NEK9: variants seen among roughly 807,000 people sequenced by gnomAD.
NEK9 encodes serine/threonine-protein kinase Nek9.
NEK9 carries 75 observed loss-of-function variants against 123.4 expected under a neutral mutation model. That is an observed-to-expected ratio of 0.61 (90% CI 0.50 to 0.74). The LOEUF is 0.74. Among genes scored for constraint, NEK9 ranks in the 30% least tolerant of loss-of-function variants. The probability of loss-of-function intolerance (pLI) is 0.00; values close to 1 mark genes in which losing one functional copy is unlikely to be tolerated. For synonymous variants in NEK9, 438 were observed against 458.7 expected (o/e 0.95, Z 0.58); for missense variants, 952 against 1,214.4 (o/e 0.78, Z 3.21).
At chr14:75,126,591 C>A in intron 1 of NEK9, 112 bp downstream of exon 1, 1 of 716,014 alleles carries the variant, frequency 1.4e-6, no homozygotes, top group Non-Finnish European at 2.1e-6. Flanking sequence ...ACATATACCC[C>A]GTGGGCGCCT....
intron 8 of NEK9, among the ~76,000 whole-genome samples, chr14:75,112,502 A>G (rs1894989035): frequency 6.6e-6 from 1 of 152,162 alleles, no homozygotes; most frequent in African/African-American, 2.4e-5. Context: ...TCCAACTCCA[A>G]CCTACCACCT....
chr14:75,088,743 A>G (rs1047178930), intron 19 of NEK9, 102 bp from the exon 20 acceptor site: 4 of 1,064,918 alleles, frequency 3.8e-6, no homozygotes, highest in Non-Finnish European at 5.5e-6. Flanking sequence ...TGACTTCAGC[A>G]CCCTCTAGTG....
chr14:75,101,792 A>T, intron 14 of NEK9, 27 bp from the exon 15 acceptor site: 7 of 1,504,612 alleles, frequency 4.7e-6, no homozygotes, highest in Non-Finnish European at 5.5e-6. Flanking sequence ...CACAAAGCAG[A>T]TGCATGAGGT....
intron 1 of NEK9, among the ~76,000 whole-genome samples, chr14:75,125,473 AG>A (rs1385866222): frequency 5.2e-5 from 8 of 152,384 alleles, no homozygotes; most frequent in African/African-American, 1.9e-4. Context: ...CAAGTTCAAC[AG>A]GATAATAATA....
chr14:75,114,248 C>G lies in NEK9; in HGVS notation c.828G>C (p.Gln276His), dbSNP rs751357379. ...CCATTTGGATCAATTCCAAAGAGTA[C>G]TGGCTAGAGTCAACTTCCATGGCCC... Reference protein sequence around the residue: ...GIRAMEVDSSQYSLELIQMVH... With the variant: ...GIRAMEVDSSHYSLELIQMVH... Residue 276 changes from glutamine to histidine, a missense_variant, in exon 7 of 22, where the codon CAG becomes CAC. Around this residue, in one of 4 missense-constraint regions of NEK9, gnomAD observed 698 missense variants for 875.6 expected, o/e 0.80. Transcript: ENST00000238616. The G allele has an allele frequency of 5.4e-5, 87 of 1,613,958 alleles. No homozygotes were observed. Among genetic ancestry groups the G allele is most frequent in the Non-Finnish European group, 6.8e-5 (80 of 1,179,980 alleles).
chr14:75,090,624 C>T (rs1894185673), intron 19 of NEK9, among the ~76,000 whole-genome samples: 1 of 150,786 alleles, frequency 6.6e-6, no homozygotes, highest in Non-Finnish European at 1.5e-5. Flanking sequence ...TGCAGTGGTA[C>T]AATCATGGCA....
rs1894675840 is a variant in NEK9, at chr14:75,103,923, T to A, written c.1650A>T (p.Ser550=). The part of the protein sequence containing the change: ...GCDGTFLLTQ[S]GKVLACGLNE... ...TGAGTCCACAGGCCAGCACTTTGCC[T>A]GACTGGGTCAACAGAAATGTCCCAT... Residue 550 remains serine (S), a synonymous_variant, in exon 14 of 22, where the codon TCA becomes TCT. Transcript: ENST00000238616. The A allele has an allele frequency of 1.2e-6, 2 of 1,614,080 alleles. No homozygotes were observed. Among genetic ancestry groups the A allele is most frequent in the South Asian group, 2.2e-5 (2 of 91,088 alleles).
At chr14:75,107,512 C>CT (rs752058522) in intron 10 of NEK9, 25 bp from the exon 11 acceptor site, 2,793 of 1,404,392 alleles carry the variant, frequency 2.0e-3, no homozygotes, top group Non-Finnish European at 2.1e-3. Flanking sequence ...GGTCTTATGA[C>CT]TTTTTTTTTT....
chr14:75,104,198 T>G (rs1894692161), intron 13 of NEK9, among the ~76,000 whole-genome samples: 1 of 150,770 alleles, frequency 6.6e-6, no homozygotes, highest in African/African-American at 2.4e-5. Flanking sequence ...AGAGTTTCCC[T>G]CTTTTGCCCA....
chr14:75,115,384 T>G (rs1895107725), intron 6 of NEK9, among the ~76,000 whole-genome samples: 2 of 152,180 alleles, frequency 1.3e-5, no homozygotes, highest in Admixed American at 6.5e-5. Context: ...CCCAAAGTGC[T>G]GGGATCACAG....
intron 7 of NEK9, 65 bp downstream of exon 7, chr14:75,114,138 T>C: frequency 8.6e-7 from 1 of 1,164,110 alleles, no homozygotes; most frequent in Non-Finnish European, 1.3e-6. Context: ...AGCTATGCCA[T>C]ACACCAAACA....
At chr14:75,121,240 GT>G (rs576036205) in intron 2 of NEK9, 66 bp from the exon 3 acceptor site, 12 of 1,207,156 alleles carry the variant, frequency 9.9e-6, no homozygotes, top group South Asian at 2.6e-5. Flanking sequence ...CCTGTAACAG[GT>G]TTTTTTAGGT....
chr14:75,109,048 T>C (rs1383918410), intron 10 of NEK9, among the ~76,000 whole-genome samples: 1 of 152,148 alleles, frequency 6.6e-6, no homozygotes, highest in Non-Finnish European at 1.5e-5. Flanking sequence ...CTAAAAAGCA[T>C]CTGTTTTATT....
intron 16 of NEK9, among the ~76,000 whole-genome samples, 182 bp downstream of exon 16, chr14:75,100,810 A>G (rs1040019799): frequency 6.6e-6 from 1 of 152,252 alleles, no homozygotes; most frequent in Non-Finnish European, 1.5e-5. Flanking sequence ...AAAAACAATC[A>G]CTATGTTGAA....
rs958763361 is a variant in NEK9 at position 75,123,410 on chromosome 14, AAAT to A, written c.397+633_397+635del. Among the ~76,000 whole-genome samples, 11 of 145,416 alleles carry A rather than the reference AAAT, an allele frequency of 7.6e-5. No individual in the cohort carries two copies. In the South Asian group the frequency reaches 1.1e-3, roughly 15 times the overall value. ...CAAGAGTAAAACTCCATCTCAAAAA[AAAT>A]AATAATAATAATAAAAATAAAATGA... On this transcript the variant is annotated intron_variant, in intron 2 of 21. Transcript: ENST00000238616.
At chr14:75,097,320 A>G (rs1183990215) in intron 16 of NEK9, 50 bp from the exon 17 acceptor site, 2 of 1,456,636 alleles carry the variant, frequency 1.4e-6, no homozygotes, top group Non-Finnish European at 1.8e-6. Context: ...CTGGCTTCCC[A>G]ATTCTCCGGG....
chr14:75,097,257 A>G lies in NEK9; in HGVS notation c.2016T>C (p.Phe672=), dbSNP rs1487442506. 6.3e-7 allele frequency: 1 copy of G among 1,598,342 alleles called. No individual in the cohort carries two copies. The highest frequency in any genetic ancestry group is 8.5e-7 in the Non-Finnish European group (1 of 1,172,708). The change falls in exon 17 of 22, where the codon TTT becomes TTC. Residue 672 remains phenylalanine, a synonymous_variant. Coordinates refer to ENST00000238616, the MANE Select transcript of NEK9 (RefSeq NM_033116.6). ...GGCCATTACCACCATTGCCCCAGGC[A>G]AAAATGTGATTATCTAGGAAAAAAG... ...TIAATDDNHI[F]AWGNGGNGRL...
rs545582109 is a variant in NEK9, at chr14:75,127,003, C to A, written c.-82G>T. ...GCTGCGTCCCGCTCGCTTCAGATGC[C>A]GGCCCGCGGATCCGTCAGCCCAGCA... On this transcript the variant is annotated 5_prime_UTR_variant, in exon 1 of 22. Coordinates refer to ENST00000238616, the MANE Select transcript of NEK9 (RefSeq NM_033116.6). 2 of 1,197,094 alleles carry A rather than the reference C, an allele frequency of 1.7e-6. No individual in the cohort carries two copies. The highest frequency in any genetic ancestry group is 2.2e-6 in the Non-Finnish European group (2 of 895,654). The allele number at this position is 1,197,094 out of a possible 1,614,324, so 74.2% of individuals were successfully genotyped here.
Position 75,117,195 on chromosome 14 carries a change from T to C in NEK9, c.762A>G (p.Thr254=), listed in dbSNP as rs141043240. ...LLTLKRTFDA[T]NPLNLCVKIV... ...ATATGGGGATAATATGCCAACTTAC[T>C]GTAGCATCAAACGTCCTCTTTAAGG... The change falls in exon 6 of 22, where the codon ACA becomes ACG. Residue 254 remains threonine, a splice_region_variant and synonymous_variant. Transcript: ENST00000238616. The C allele has an allele frequency of 5.6e-6, 9 of 1,612,284 alleles. No individual in the cohort carries two copies. The highest frequency in any genetic ancestry group is 2.7e-5 in the African/African-American group (2 of 74,828).
Sources: allele counts gnomAD v4.1 joint callset (sites outside exome capture counted in the v4.1 genomes callset), GRCh38; gene constraint gnomAD v4.1.1; regional missense constraint gnomAD v4.1.1; transcripts MANE v1.5; gene names NCBI Gene and HGNC (gene_info 2026-07-23, HGNC 2026-07-21).